The following STEAP4 variants were observed in gnomAD, a reference collection of about 807,000 sequenced individuals.
The protein encoded by STEAP4 is STEAP4 metalloreductase, also known as metalloreductase STEAP4.
In STEAP4, 36 loss-of-function variants were observed where a neutral mutation model predicts 43.6. The ratio of observed to expected loss-of-function variants is 0.83; its 90% CI spans 0.63 to 1.09. The LOEUF is 1.09. Among genes scored for constraint, STEAP4 ranks in the 50% least tolerant of loss-of-function variants. STEAP4 has a pLI of 0.00. For missense variants in STEAP4, 495 were observed against 546.5 expected (o/e 0.91, Z 0.94); for synonymous variants, 191 against 196.7 (o/e 0.97, Z 0.24).
chr7:88,284,044 TGC>T lies in STEAP4; in HGVS notation c.224_225del (p.Gly75AspfsTer12). 6.2e-7 allele frequency: 1 copy of T among 1,614,174 alleles called. No homozygotes were observed. Among genetic ancestry groups the T allele is most frequent in the Non-Finnish European group, 8.5e-7 (1 of 1,180,032 alleles). On this transcript the variant is annotated frameshift_variant, in exon 2 of 5. Transcript: ENST00000380079. LOFTEE classifies it high-confidence loss of function. ...LSYSEAAKKS[G>X]IIIIAIHREH... is the part of the protein sequence containing the mutation. ...TCTCTGTGGATTGCTATGATTATGATGCCAGACTTCTTGGCTGCTTCTGAATA... is the reference window on the plus strand; with the variant it reads ...TCTCTGTGGATTGCTATGATTATGATCAGACTTCTTGGCTGCTTCTGAATA...
chr7:88,280,467 A>T (rs1260935433), intron 4 of STEAP4, among the ~76,000 whole-genome samples: 1 of 152,184 alleles, frequency 6.6e-6, no homozygotes, highest in Non-Finnish European at 1.5e-5. Context: ...ACTGCCTTTA[A>T]AGAGGGGTTG....
chr7:88,281,853 T>C (rs900661210), intron 3 of STEAP4: 2 of 152,180 alleles, frequency 1.3e-5, no homozygotes, highest in African/African-American at 4.8e-5. Context: ...AAGTCAAACA[T>C]TAAGGGAATT....
chr7:88,284,862 G>T (rs1017932625), intron 1 of STEAP4, among the ~76,000 whole-genome samples: 3 of 152,058 alleles, frequency 2.0e-5, no homozygotes, highest in Non-Finnish European at 4.4e-5. Context: ...TAGTGAAAGA[G>T]AAATACATAG....
chr7:88,287,690 C>A (rs1435462268), intron 1 of STEAP4, among the ~76,000 whole-genome samples: 4 of 152,110 alleles, frequency 2.6e-5, no homozygotes, highest in Non-Finnish European at 1.5e-5. Context: ...CCATCCAGTG[C>A]AGGGTCTGCA....
Position 88,279,540 on chromosome 7 carries a change from C to G in STEAP4, c.1238G>C (p.Arg413Thr). Residue 413 changes from arginine to threonine, a missense_variant, in exon 5 of 5, where the codon AGA becomes ACA. Transcript: ENST00000380079. ...GKRFLSPSNL[R>T]WYLPAAYVLG... ...CACGTAGGCTGCAGGAAGATACCAT[C>G]TGAGATTTGAAGGGCTGAGGAATCT... 1 of 1,614,120 alleles carries G rather than the reference C, an allele frequency of 6.2e-7. No homozygotes were observed. The highest frequency in any genetic ancestry group is 1.3e-5 in the African/African-American group (1 of 75,040).
At chr7:88,290,196 T>C (rs532571894) in intron 1 of STEAP4, 1 of 152,336 alleles carries the variant, frequency 6.6e-6, no homozygotes, top group African/African-American at 2.4e-5. Flanking sequence ...CCATTTTGAC[T>C]ATTTGGTCAC....
At chr7:88,280,295 G>A (rs1266989527) in intron 4 of STEAP4, among the ~76,000 whole-genome samples, 1 of 152,112 alleles carries the variant, frequency 6.6e-6, no homozygotes, top group African/African-American at 2.4e-5. Flanking sequence ...CATCTTGAAG[G>A]CTCATTAAAT....
Position 88,273,827 on chromosome 7 carries a change from A to T in STEAP4, c.*5571T>A, listed in dbSNP as rs967173082. 1 of 152,196 alleles carries T rather than the reference A, an allele frequency of 6.6e-6. No individual in the cohort carries two copies. Among genetic ancestry groups the T allele is most frequent in the Non-Finnish European group, 1.5e-5 (1 of 68,050 alleles). 9.4% of individuals were successfully genotyped at this position (152,196 alleles called of 1,614,324 possible). A position where few individuals can be genotyped will look rare whatever the true frequency, so the allele number is the denominator to read the frequency against. On this transcript the variant is annotated 3_prime_UTR_variant, in exon 5 of 5. Transcript: ENST00000380079. The stretch of plus-strand genomic sequence containing the variant: ...GTGGGAAGATTAAAATGGCAATTGC[A>T]ATGGAATTGAACTTAATGCGGGAAC...
At chr7:88,296,335 G>A (rs905194684) in intron 1 of STEAP4, among the ~76,000 whole-genome samples, 1 of 151,996 alleles carries the variant, frequency 6.6e-6, no homozygotes, top group Non-Finnish European at 1.5e-5. Flanking sequence ...ATCCCCTCTG[G>A]ACACATACAA....
At position 88,274,770 on chromosome 7, in the gene STEAP4, A is replaced by G. The variant is rs1852487140; in HGVS notation, c.*4628T>C. 1 of 152,184 alleles carries G rather than the reference A, an allele frequency of 6.6e-6. No homozygotes were observed. The highest frequency in any genetic ancestry group is 2.4e-5 in the African/African-American group (1 of 41,422). 9.4% of individuals were successfully genotyped at this position (152,184 alleles called of 1,614,324 possible). Reference sequence around the variant, plus strand: ...CAGGAAAGGGGCAGATGATTCCCAGAACTGAGGGCTCCTCCTGCTTTTAGA... The same window carrying G: ...CAGGAAAGGGGCAGATGATTCCCAGGACTGAGGGCTCCTCCTGCTTTTAGA... On this transcript the variant is annotated 3_prime_UTR_variant, in exon 5 of 5. Transcript: ENST00000380079.
chr7:88,294,669 C>A (rs1186270612), intron 1 of STEAP4, among the ~76,000 whole-genome samples: 1 of 151,946 alleles, frequency 6.6e-6, no homozygotes, highest in African/African-American at 2.4e-5. Flanking sequence ...AGCAACCTAA[C>A]CATATCTCTT....
intron 1 of STEAP4, among the ~76,000 whole-genome samples, chr7:88,295,620 C>T (rs769525902): frequency 5.9e-5 from 9 of 152,262 alleles, no homozygotes; most frequent in East Asian, 1.9e-4. Context: ...CCTGGTAACA[C>T]ATTAGAATCA....
chr7:88,289,068 G>GTGTGTGTGTGTGTA (rs1178735000), intron 1 of STEAP4, among the ~76,000 whole-genome samples: 1 of 151,856 alleles, frequency 6.6e-6, no homozygotes, highest in African/African-American at 2.4e-5. Flanking sequence ...GCGCGTGTGT[G>GTGTGTGTGTGTGTA]TGTGTGTGTG....
At chr7:88,297,115 CT>C (rs1192021294) in intron 1 of STEAP4, among the ~76,000 whole-genome samples, 1 of 152,072 alleles carries the variant, frequency 6.6e-6, no homozygotes, top group Non-Finnish European at 1.5e-5. Flanking sequence ...ACATTAACAC[CT>C]TCCTTCATCA....
At chr7:88,305,948 A>G (rs1367949888) in intron 1 of STEAP4, among the ~76,000 whole-genome samples, 2 of 152,186 alleles carry the variant, frequency 1.3e-5, no homozygotes, top group Non-Finnish European at 2.9e-5. Flanking sequence ...AGCTCACTGC[A>G]ACCTCCACCT....
intron 1 of STEAP4, among the ~76,000 whole-genome samples, chr7:88,302,172 A>G (rs1296384978): frequency 6.6e-6 from 1 of 152,210 alleles, no homozygotes; most frequent in Non-Finnish European, 1.5e-5. Flanking sequence ...CTCATTATGT[A>G]CTATGTCCAT....
At position 88,272,680 on chromosome 7, in the gene STEAP4, G is replaced by A. The variant is rs889127193; in HGVS notation, c.*6718C>T. On this transcript the variant is annotated 3_prime_UTR_variant, in exon 5 of 5. Transcript: ENST00000380079. The stretch of plus-strand genomic sequence containing the variant: ...GTGATTTTGTGTTTTACAGACATAT[G>A]CATTGATTTGTAATGAACTGGAAAA... 1 of 152,142 alleles carries A rather than the reference G, an allele frequency of 6.6e-6. No individual in the cohort carries two copies. Among genetic ancestry groups the A allele is most frequent in the Non-Finnish European group, 1.5e-5 (1 of 68,030 alleles). The allele number at this position is 152,142 out of a possible 1,614,324, so 9.4% of individuals were successfully genotyped here. A position where few individuals can be genotyped will look rare whatever the true frequency, so the allele number is the denominator to read the frequency against.
chr7:88,305,359 G>T (rs1853111015), intron 1 of STEAP4, among the ~76,000 whole-genome samples: 1 of 152,114 alleles, frequency 6.6e-6, no homozygotes, highest in Non-Finnish European at 1.5e-5. Context: ...ATCTCATATT[G>T]TGCTAAATCA....
Position 88,278,266 on chromosome 7 carries a change from G to A in STEAP4, c.*1132C>T, listed in dbSNP as rs1273948378. 3 of 152,112 alleles carry A rather than the reference G, an allele frequency of 2.0e-5. No individual in the cohort carries two copies. Among genetic ancestry groups the A allele is most frequent in the Non-Finnish European group, 4.4e-5 (3 of 68,016 alleles). 9.4% of individuals were successfully genotyped at this position (152,112 alleles called of 1,614,324 possible). On this transcript the variant is annotated 3_prime_UTR_variant, in exon 5 of 5. Coordinates refer to ENST00000380079, the MANE Select transcript of STEAP4 (RefSeq NM_024636.4). ...TGAGAACCATCCTAAATTTCAGCAA[G>A]GATTTGAGAAAGATCCAAATTTCAC...
Sources: allele counts gnomAD v4.1 joint callset (sites outside exome capture counted in the v4.1 genomes callset), GRCh38; gene constraint gnomAD v4.1.1; transcripts MANE v1.5; gene names NCBI Gene and HGNC (gene_info 2026-07-23, HGNC 2026-07-21).